The following PPP1R9A variants were observed in gnomAD, a reference collection of about 807,000 sequenced individuals.
The protein encoded by PPP1R9A is neurabin-1.
PPP1R9A carries 59 observed loss-of-function variants against 141.9 expected under a neutral mutation model. That is an observed-to-expected ratio of 0.42 (90% CI 0.34 to 0.52). PPP1R9A has a LOEUF of 0.52. PPP1R9A is among the 20% of genes least tolerant of loss of function. PPP1R9A has a pLI of 0.10. For synonymous variants in PPP1R9A, 500 were observed against 569.7 expected, an observed-to-expected ratio of 0.88 and a Z score of 1.74; for missense variants, 1,444 against 1,611.9, an observed-to-expected ratio of 0.90 and a Z score of 1.78.
chr7:95,252,039 GAGA>G lies in PPP1R9A; in HGVS notation c.2579_2581del (p.Arg860del). 6.2e-7 allele frequency: 1 copy of G among 1,613,560 alleles called. No homozygotes were observed. Among genetic ancestry groups the G allele is most frequent in the Non-Finnish European group, 8.5e-7 (1 of 1,179,848 alleles). Reference sequence around the variant, plus strand: ...TTAACAATAATAACAACATCTTTGAGAGAAGAACATCTCTTGGTGAAGTCTCTA... The same window carrying G: ...TTAACAATAATAACAACATCTTTGAGAGAACATCTCTTGGTGAAGTCTCTA... On this transcript the variant is annotated inframe_deletion, in exon 12 of 20. Coordinates refer to ENST00000433360, the MANE Select transcript of PPP1R9A (RefSeq NM_001166160.2).
rs532466342 is a variant in PPP1R9A at position 95,056,279 on chromosome 7, A to G, written c.1396-54980A>G. ...AATTGGAATGACAAAAGTTCAGTGA[A>G]TTTGGTATTTTTCTTGTAATCTTTC... On this transcript the variant is annotated intron_variant, in intron 2 of 19. Coordinates refer to ENST00000433360, the MANE Select transcript of PPP1R9A (RefSeq NM_001166160.2). Among the ~76,000 whole-genome samples, 3 of 152,244 alleles carry G rather than the reference A, an allele frequency of 2.0e-5. No individual in the cohort carries two copies. In the South Asian group the frequency reaches 6.2e-4, roughly 32 times the overall value.
At chr7:94,926,115 C>T (rs1400253771) in intron 2 of PPP1R9A, among the ~76,000 whole-genome samples, 1 of 152,190 alleles carries the variant, frequency 6.6e-6, no homozygotes, top group Non-Finnish European at 1.5e-5. Flanking sequence ...GTGTGGGCCA[C>T]TGCTGGGCTA....
At chr7:94,909,598 T>A (rs891168172) in intron 1 of PPP1R9A, among the ~76,000 whole-genome samples, 1 of 152,132 alleles carries the variant, frequency 6.6e-6, no homozygotes, top group African/African-American at 2.4e-5. Context: ...AAACTTGGGC[T>A]AAAGTATTGC....
intron 2 of PPP1R9A, among the ~76,000 whole-genome samples, chr7:95,043,643 T>C (rs1809576517): frequency 6.6e-6 from 1 of 152,212 alleles, no homozygotes; most frequent in African/African-American, 2.4e-5. Flanking sequence ...AGCCCCCTTC[T>C]CTGCTGTGCT....
chr7:95,007,435 C>G (rs1002649517), intron 2 of PPP1R9A, among the ~76,000 whole-genome samples: 3 of 152,142 alleles, frequency 2.0e-5, no homozygotes, highest in Non-Finnish European at 1.5e-5. Context: ...CTCTGGAGGG[C>G]AAAATCTGCG....
chr7:94,973,758 G>C (rs1447169586), intron 2 of PPP1R9A, among the ~76,000 whole-genome samples: 2 of 128,630 alleles, frequency 1.6e-5, no homozygotes, highest in Non-Finnish European at 3.2e-5. Context: ...TCGCTCTATT[G>C]CCCAGGCTGG....
intron 7 of PPP1R9A, among the ~76,000 whole-genome samples, chr7:95,212,789 T>C (rs542765708): frequency 6.6e-6 from 1 of 152,278 alleles, no homozygotes; most frequent in Non-Finnish European, 1.5e-5. Flanking sequence ...GAAAGGTCAA[T>C]ACAGAAGCTT....
chr7:94,925,986 C>T (rs899638972), intron 2 of PPP1R9A, among the ~76,000 whole-genome samples: 1 of 151,948 alleles, frequency 6.6e-6, no homozygotes, highest in Non-Finnish European at 1.5e-5. Flanking sequence ...CTGCCATGCC[C>T]AGCTAATTTT....
At chr7:95,210,606 C>T (rs1315882779) in intron 7 of PPP1R9A, among the ~76,000 whole-genome samples, 1 of 152,050 alleles carries the variant, frequency 6.6e-6, no homozygotes, top group Non-Finnish European at 1.5e-5. Flanking sequence ...GCTGGGACTA[C>T]AGGCACATGC....
chr7:94,999,467 G>A (rs1358410862), intron 2 of PPP1R9A, among the ~76,000 whole-genome samples: 2 of 152,130 alleles, frequency 1.3e-5, no homozygotes, highest in African/African-American at 4.8e-5. Context: ...CTTTAATATT[G>A]AAGAATTATG....
intron 2 of PPP1R9A, among the ~76,000 whole-genome samples, chr7:94,917,968 A>G (rs986850798): frequency 2.6e-5 from 4 of 152,190 alleles, no homozygotes; most frequent in African/African-American, 9.7e-5. Context: ...AGGAATTTTC[A>G]TAGAGAAATA....
In PPP1R9A at chr7:94,981,395, G is replaced by A. The variant is rs117408305; in HGVS notation, c.1395+69887G>A. Among the ~76,000 whole-genome samples, 906 of 152,034 alleles carry A rather than the reference G, an allele frequency of 6.0e-3. 5 individuals are homozygous for A. The highest frequency in any genetic ancestry group is 9.8e-3 in the Non-Finnish European group (668 of 67,978). On this transcript the variant is annotated intron_variant, in intron 2 of 19. Coordinates refer to ENST00000433360, the MANE Select transcript of PPP1R9A (RefSeq NM_001166160.2). ...GCTGAGACTACAGGAGTGCGCTACC[G>A]CAGCCGGCTAATTTTTGTATTTTTA...
chr7:95,142,184 C>A (rs1826821030), intron 4 of PPP1R9A, among the ~76,000 whole-genome samples: 1 of 151,964 alleles, frequency 6.6e-6, no homozygotes, highest in South Asian at 2.1e-4. Flanking sequence ...TATTCAGATT[C>A]TTTCCCCATT....
chr7:94,962,894 C>T (rs573094733), intron 2 of PPP1R9A, among the ~76,000 whole-genome samples: 1 of 152,070 alleles, frequency 6.6e-6, no homozygotes, highest in Middle Eastern at 3.2e-3. Flanking sequence ...AGGCAGAAGA[C>T]TTGCCACAGA....
chr7:95,281,898 A>C (rs1804298178), intron 16 of PPP1R9A, among the ~76,000 whole-genome samples: 1 of 152,190 alleles, frequency 6.6e-6, no homozygotes. Flanking sequence ...TTGATTCAGA[A>C]ATCTATAACC....
chr7:95,216,208 T>C (rs1193368596), intron 7 of PPP1R9A, among the ~76,000 whole-genome samples: 5 of 150,602 alleles, frequency 3.3e-5, no homozygotes, highest in Non-Finnish European at 7.5e-5. Context: ...CAGTTTTCCA[T>C]TTATTAAATA....
intron 5 of PPP1R9A, among the ~76,000 whole-genome samples, chr7:95,170,254 A>G (rs540919168): frequency 6.6e-6 from 1 of 151,840 alleles, no homozygotes; most frequent in African/African-American, 2.4e-5. Context: ...ATAAGCTACT[A>G]ATATACGCTT....
chr7:95,107,134 T>A (rs1031317664), intron 2 of PPP1R9A, among the ~76,000 whole-genome samples: 2 of 152,188 alleles, frequency 1.3e-5, no homozygotes, highest in African/African-American at 4.8e-5. Context: ...ATGCATAGTA[T>A]CTCCTTGTTT....
intron 2 of PPP1R9A, among the ~76,000 whole-genome samples, chr7:95,034,174 G>A (rs1176048320): frequency 1.3e-5 from 2 of 151,912 alleles, no homozygotes; most frequent in African/African-American, 4.8e-5. Flanking sequence ...CTTTTTAAAT[G>A]TCTCAATAAC....
Sources: gnomAD v4.1 joint callset for allele counts (sites outside exome capture counted in the v4.1 genomes callset) on GRCh38, gnomAD v4.1.1 for gene constraint, MANE v1.5 for transcripts, NCBI Gene and HGNC (gene_info 2026-07-23, HGNC 2026-07-21) for gene names.